DIP2C: variants seen among roughly 807,000 people sequenced by gnomAD.
DIP2C encodes disco-interacting protein 2 homolog C.
Under a neutral mutation model 192.4 loss-of-function variants are expected in DIP2C, and 33 were observed. The ratio of observed to expected loss-of-function variants is 0.17; its 90% CI spans 0.13 to 0.23. The LOEUF is 0.23. Among genes scored for constraint, DIP2C ranks in the 10% least tolerant of loss-of-function variants. The pLI, the probability that DIP2C is intolerant of heterozygous loss-of-function variation, is 1.00. For synonymous variants in DIP2C, 979 were observed against 864.1 expected (o/e 1.13, Z -2.33); for missense variants, 1,537 against 2,110.1 (o/e 0.73, Z 5.32).
intron 4 of DIP2C, among the ~76,000 whole-genome samples, chr10:428,146 A>G (rs1014161122): frequency 6.6e-6 from 1 of 152,190 alleles, no homozygotes; most frequent in African/African-American, 2.4e-5. Flanking sequence ...AAGCGTGGAC[A>G]TTTTATGATT....
chr10:640,155 C>T (rs558815141), intron 1 of DIP2C, among the ~76,000 whole-genome samples: 1 of 152,378 alleles, frequency 6.6e-6, no homozygotes, highest in East Asian at 1.9e-4. Context: ...CCGCACCTAC[C>T]ACGCGGCTAA....
chr10:365,745 C>T (rs140041553), intron 19 of DIP2C, among the ~76,000 whole-genome samples: 1,576 of 152,354 alleles, frequency 0.01, 18 homozygotes, highest in Non-Finnish European at 0.017. Context: ...ACATTACACA[C>T]GCATCTGTGT....
chr10:352,756 G>A (rs1413122762), intron 24 of DIP2C, among the ~76,000 whole-genome samples: 1 of 152,152 alleles, frequency 6.6e-6, no homozygotes, highest in African/African-American at 2.4e-5. Flanking sequence ...TGCAGCGACT[G>A]AGCAGTGTCC....
intron 1 of DIP2C, among the ~76,000 whole-genome samples, chr10:577,615 A>G (rs1363990502): frequency 6.6e-6 from 1 of 152,208 alleles, no homozygotes; most frequent in Non-Finnish European, 1.5e-5. Flanking sequence ...CCCTGCCATC[A>G]GCCTGCTGCT....
intron 17 of DIP2C, among the ~76,000 whole-genome samples, chr10:372,613 G>A (rs924787679): frequency 6.6e-6 from 1 of 152,098 alleles, no homozygotes; most frequent in Non-Finnish European, 1.5e-5. Context: ...CGGAGAAAAC[G>A]CACGGCCCCG....
Position 366,446 on chromosome 10 carries a change from A to T in DIP2C, c.2132-35T>A, listed in dbSNP as rs746068197. Reference sequence around the variant, plus strand: ...AACAGGAAAGCACATGCAGTGTGAGAGGGGGCAGGTGGGGAGAATAAAGGA... The same window carrying T: ...AACAGGAAAGCACATGCAGTGTGAGTGGGGGCAGGTGGGGAGAATAAAGGA... On this transcript the variant is annotated intron_variant, in intron 18 of 36. Coordinates refer to ENST00000280886, the MANE Select transcript of DIP2C (RefSeq NM_014974.3). The T allele has an allele frequency of 1.9e-6, 3 of 1,613,334 alleles. No homozygotes were observed. The African/African-American group carries it at 4.0e-5, about 22-fold the overall frequency.
chr10:373,324 A>G (rs1317766553), intron 17 of DIP2C, among the ~76,000 whole-genome samples: 2 of 152,188 alleles, frequency 1.3e-5, no homozygotes, highest in African/African-American at 4.8e-5. Flanking sequence ...CTCCAATCCT[A>G]TGCCCCACAA....
At chr10:445,093 C>A (rs182740504) in intron 3 of DIP2C, among the ~76,000 whole-genome samples, 1 of 152,378 alleles carries the variant, frequency 6.6e-6, no homozygotes, top group Non-Finnish European at 1.5e-5. Flanking sequence ...CCTCCTCCTC[C>A]ACTCTTGTGA....
At chr10:539,054 T>C (rs1360944490) in intron 1 of DIP2C, among the ~76,000 whole-genome samples, 4 of 152,160 alleles carry the variant, frequency 2.6e-5, no homozygotes, top group Non-Finnish European at 5.9e-5. Context: ...CGAGCTCAGT[T>C]GTCTGTTCAC....
At chr10:418,849 A>G (rs967184489) in intron 6 of DIP2C, among the ~76,000 whole-genome samples, 1 of 152,182 alleles carries the variant, frequency 6.6e-6, no homozygotes, top group African/African-American at 2.4e-5. Flanking sequence ...CAACATTTAC[A>G]TTTTTCCTAC....
intron 1 of DIP2C, among the ~76,000 whole-genome samples, chr10:617,249 T>TA (rs1853533182): frequency 1.4e-5 from 2 of 138,824 alleles, no homozygotes; most frequent in African/African-American, 5.3e-5. Flanking sequence ...CATGCCTCTC[T>TA]ACAAACTTGG....
In DIP2C at chr10:390,730, G is replaced by A. The variant is rs75612199; in HGVS notation, c.1384+10C>T. On this transcript the variant is annotated intron_variant, in intron 11 of 36. Coordinates refer to ENST00000280886, the MANE Select transcript of DIP2C (RefSeq NM_014974.3). The stretch of plus-strand genomic sequence containing the variant: ...TGGGCATGCGAGCTCTCGGAGGCTC[G>A]GTGGCTTACCTTTAAACTGTGGGAT... 5.0e-4 allele frequency: 799 copies of A among 1,611,070 alleles called. 17 individuals carry two copies. The East Asian group carries it at 0.016, about 33-fold the overall frequency.
chr10:336,711 G>A (rs1564573639), intron 29 of DIP2C, among the ~76,000 whole-genome samples: 2 of 152,142 alleles, frequency 1.3e-5, no homozygotes, highest in Non-Finnish European at 2.9e-5. Flanking sequence ...AGAAGGTATT[G>A]TTATCCTAGG....
intron 4 of DIP2C, chr10:437,818 C>T (rs1967391723): frequency 6.6e-6 from 1 of 152,166 alleles, no homozygotes; most frequent in Non-Finnish European, 1.5e-5. Flanking sequence ...GGTCAGCAGC[C>T]AGTCATTTCA....
chr10:278,040 G>A (rs979193259), intron 36 of DIP2C, among the ~76,000 whole-genome samples: 1 of 152,098 alleles, frequency 6.6e-6, no homozygotes, highest in African/African-American at 2.4e-5. Context: ...GAGGGCAGGG[G>A]TGCCTACTCC....
intron 1 of DIP2C, among the ~76,000 whole-genome samples, chr10:616,850 G>A (rs1000976344): frequency 1.1e-4 from 16 of 152,180 alleles, no homozygotes; most frequent in Admixed American, 6.5e-4. Context: ...AGAGGCCGCC[G>A]TGGCCTCTAC....
chr10:310,843 A>G (rs1335693135), intron 31 of DIP2C, among the ~76,000 whole-genome samples: 1 of 152,218 alleles, frequency 6.6e-6, no homozygotes, highest in Non-Finnish European at 1.5e-5. Flanking sequence ...AAAATTGTAC[A>G]CTCATTTTTG....
At chr10:588,532 G>A (rs934921742) in intron 1 of DIP2C, among the ~76,000 whole-genome samples, 7 of 152,222 alleles carry the variant, frequency 4.6e-5, no homozygotes, top group Admixed American at 3.9e-4. Context: ...TGCGGCTTGG[G>A]TCCCTGCCGG....
chr10:418,521 G>A (rs926697976), intron 6 of DIP2C, among the ~76,000 whole-genome samples: 36 of 152,324 alleles, frequency 2.4e-4, no homozygotes, highest in Middle Eastern at 3.4e-3. Flanking sequence ...ACGAACAGCC[G>A]CTGTAGTCAG....
Sources: gnomAD v4.1 joint callset for allele counts (sites outside exome capture counted in the v4.1 genomes callset) on GRCh38, gnomAD v4.1.1 for gene constraint, MANE v1.5 for transcripts, NCBI Gene and HGNC (gene_info 2026-07-23, HGNC 2026-07-21) for gene names.